The following RPTOR variants were observed in gnomAD, a reference collection of about 807,000 sequenced individuals.
RPTOR encodes the protein regulatory associated protein of MTOR complex 1.
In RPTOR, 21 loss-of-function variants were observed where a neutral mutation model predicts 169.9. The ratio of observed to expected loss-of-function variants is 0.12; its 90% CI spans 0.09 to 0.18. RPTOR has a LOEUF of 0.18. RPTOR is among the 10% of genes least tolerant of loss of function. The probability of loss-of-function intolerance (pLI) is 1.00; values close to 1 mark genes in which losing one functional copy is unlikely to be tolerated. For synonymous variants in RPTOR, 732 were observed against 753.2 expected (o/e 0.97, Z 0.46); for missense variants, 1,133 against 1,855.9 (o/e 0.61, Z 7.16).
chr17:80,586,957 C>T (rs1433751955), intron 1 of RPTOR, among the ~76,000 whole-genome samples: 3 of 152,244 alleles, frequency 2.0e-5, no homozygotes, highest in East Asian at 3.8e-4. Flanking sequence ...CTGTGCTCCG[C>T]GTCTGCCGGA....
At chr17:80,549,879 A>T (rs1331876403) in intron 1 of RPTOR, among the ~76,000 whole-genome samples, 1 of 152,222 alleles carries the variant, frequency 6.6e-6, no homozygotes, top group Non-Finnish European at 1.5e-5. Context: ...CACTATTTCC[A>T]TGCATGTGTA....
chr17:80,587,608 C>T (rs2065072221), intron 1 of RPTOR, among the ~76,000 whole-genome samples: 1 of 152,188 alleles, frequency 6.6e-6, no homozygotes, highest in African/African-American at 2.4e-5. Context: ...TTACTGTGTT[C>T]ATTCCTGTGG....
At chr17:80,743,854 G>GCCCTGGCTACTAGCAC (rs2066519873) in intron 5 of RPTOR, among the ~76,000 whole-genome samples, 1 of 18,346 alleles carries the variant, frequency 5.5e-5, no homozygotes, top group African/African-American at 2.1e-4. Context: ...GTTACTAGCA[G>GCCCTGGCTACTAGCAC]AGCCCTGGCT....
At chr17:80,843,659 C>T (rs973058322) in intron 10 of RPTOR, among the ~76,000 whole-genome samples, 1 of 151,882 alleles carries the variant, frequency 6.6e-6, no homozygotes, top group Non-Finnish European at 1.5e-5. Flanking sequence ...TTTAAGTCCC[C>T]TCTTTAAGCA....
At chr17:80,929,855 C>G (rs1406819659) in intron 24 of RPTOR, among the ~76,000 whole-genome samples, 3 of 152,200 alleles carry the variant, frequency 2.0e-5, no homozygotes, top group African/African-American at 7.2e-5. Flanking sequence ...TAGATTCTCC[C>G]ACAAAAATGA....
At chr17:80,636,955 C>A (rs2065512362) in intron 2 of RPTOR, among the ~76,000 whole-genome samples, 1 of 152,230 alleles carries the variant, frequency 6.6e-6, no homozygotes, top group East Asian at 1.9e-4. Context: ...GGTTGAAGGT[C>A]TCCAGCAGAT....
intron 8 of RPTOR, 37 bp downstream of exon 8, chr17:80,822,338 G>C (rs752716063): frequency 1.9e-6 from 3 of 1,591,652 alleles, no homozygotes; most frequent in Non-Finnish European, 1.7e-6. Context: ...GGGAGGCTAT[G>C]GCCTTGAGTG....
At chr17:80,594,360 G>A (rs774064056) in intron 1 of RPTOR, among the ~76,000 whole-genome samples, 8 of 152,200 alleles carry the variant, frequency 5.3e-5, no homozygotes, top group Non-Finnish European at 1.2e-4. Context: ...CCAAAGTGCT[G>A]GGATTACAGG....
In RPTOR at chr17:80,730,556, C is replaced by T; in HGVS notation, c.508-4C>T. On this transcript the variant is annotated splice_region_variant and splice_polypyrimidine_tract_variant and intron_variant, in intron 4 of 33. Coordinates refer to ENST00000306801, the MANE Select transcript of RPTOR (RefSeq NM_020761.3). The surrounding 1 kb of genome is among the most constrained non-coding windows in gnomAD (Gnocchi z 4.2). Reference sequence around the variant, plus strand: ...GTAACGAGCGCACTTTGTGTGTTTTCTAGAACTACACGCAGTACATCCCTC... The same window carrying T: ...GTAACGAGCGCACTTTGTGTGTTTTTTAGAACTACACGCAGTACATCCCTC... 1.9e-6 allele frequency: 3 copies of T among 1,613,152 alleles called. No homozygotes were observed. The highest frequency in any genetic ancestry group is 1.1e-5 in the South Asian group (1 of 91,074).
intron 32 of RPTOR, 79 bp from the exon 33 acceptor site, chr17:80,962,849 C>T: frequency 6.3e-7 from 1 of 1,591,148 alleles, no homozygotes. Flanking sequence ...CGGCCTGTCC[C>T]CGCGGTCTCG....
intron 3 of RPTOR, among the ~76,000 whole-genome samples, chr17:80,653,704 G>A (rs551331965): frequency 6.6e-6 from 1 of 152,324 alleles, no homozygotes; most frequent in Non-Finnish European, 1.5e-5. Flanking sequence ...GTGGGTCTCT[G>A]CTCCCCACTC....
intron 6 of RPTOR, among the ~76,000 whole-genome samples, chr17:80,767,349 C>T (rs1458549333): frequency 6.6e-6 from 1 of 152,092 alleles, no homozygotes; most frequent in African/African-American, 2.4e-5. Flanking sequence ...CCAGCATAGA[C>T]CACAGAGTGA....
intron 1 of RPTOR, among the ~76,000 whole-genome samples, chr17:80,585,748 T>C (rs2065055484): frequency 6.6e-6 from 1 of 152,220 alleles, no homozygotes; most frequent in African/African-American, 2.4e-5. Flanking sequence ...TTTTATAATG[T>C]GTAATATGAA....
At chr17:80,665,936 A>G (rs1231751390) in intron 3 of RPTOR, among the ~76,000 whole-genome samples, 26 of 152,082 alleles carry the variant, frequency 1.7e-4, no homozygotes, top group Admixed American at 1.7e-3. Flanking sequence ...TTGTCTCGTA[A>G]CCCTGGAGGC....
At chr17:80,937,052 G>A (rs1052125783) in intron 24 of RPTOR, among the ~76,000 whole-genome samples, 1 of 152,202 alleles carries the variant, frequency 6.6e-6, no homozygotes, top group African/African-American at 2.4e-5. Flanking sequence ...GTGGGGAGGG[G>A]ATAGTTTGTT....
chr17:80,956,060 G>GT (rs1408232288), intron 28 of RPTOR, among the ~76,000 whole-genome samples: 2 of 152,160 alleles, frequency 1.3e-5, no homozygotes, highest in African/African-American at 4.8e-5. Flanking sequence ...CACTGAAGAG[G>GT]TTTTTTGAAA....
intron 20 of RPTOR, among the ~76,000 whole-genome samples, chr17:80,903,779 G>T (rs1329557109): frequency 1.3e-5 from 2 of 152,154 alleles, no homozygotes; most frequent in Non-Finnish European, 2.9e-5. Flanking sequence ...GGGTTTCAGG[G>T]CAGAGAAGGT....
chr17:80,564,718 CTTT>C (rs917195790), intron 1 of RPTOR, among the ~76,000 whole-genome samples: 2 of 150,524 alleles, frequency 1.3e-5, no homozygotes, highest in African/African-American at 4.9e-5. Flanking sequence ...TACCCAATAG[CTTT>C]TTTTTTCAGA....
At chr17:80,799,754 A>G (rs112338862) in intron 7 of RPTOR, among the ~76,000 whole-genome samples, 1 of 135,704 alleles carries the variant, frequency 7.4e-6, no homozygotes, top group Non-Finnish European at 1.6e-5. Flanking sequence ...TTCCCTCCCC[A>G]GCGGCCGCCC....
Sources: gnomAD v4.1 joint callset for allele counts (sites outside exome capture counted in the v4.1 genomes callset) on GRCh38, gnomAD v4.1.1 for gene constraint, Gnocchi (gnomAD v3.1) non-coding constraint, MANE v1.5 for transcripts, NCBI Gene and HGNC (gene_info 2026-07-23, HGNC 2026-07-21) for gene names.